The following KLF12 variants were observed in gnomAD, a reference collection of about 807,000 sequenced individuals.
KLF12 encodes the protein Krueppel-like factor 12.
In KLF12, 9 loss-of-function variants were observed where a neutral mutation model predicts 37.8. The ratio of observed to expected loss-of-function variants is 0.24; its 90% CI spans 0.14 to 0.42. The LOEUF (loss-of-function observed/expected upper bound fraction) is 0.42. Among genes scored for constraint, KLF12 ranks in the 10% least tolerant of loss-of-function variants. The pLI, the probability that KLF12 is intolerant of heterozygous loss-of-function variation, is 1.00. For synonymous variants in KLF12, 208 were observed against 202.1 expected, an observed-to-expected ratio of 1.03 and a Z score of -0.25; for missense variants, 411 against 516.0, an observed-to-expected ratio of 0.80 and a Z score of 1.97.
At chr13:74,045,713 C>T (rs1266121499) in intron 1 of KLF12, among the ~76,000 whole-genome samples, 4 of 152,006 alleles carry the variant, frequency 2.6e-5, no homozygotes, top group Admixed American at 6.6e-5. Context: ...ATGGGTTTCT[C>T]CAGGTAGTCC....
At chr13:74,267,316 A>G in the KLF12 span, among the ~76,000 whole-genome samples, 3 of 152,254 alleles carry the variant, frequency 2.0e-5, no homozygotes, top group African/African-American at 7.2e-5. Context: ...TATAAGAGAC[A>G]GAACAATAGC....
At chr13:73,979,399 A>AC (rs1566491623) in intron 2 of KLF12, among the ~76,000 whole-genome samples, 2 of 150,794 alleles carry the variant, frequency 1.3e-5, no homozygotes, top group South Asian at 2.1e-4. Context: ...ACACACACAC[A>AC]AATCATGGAA....
At chr13:73,966,233 T>C (rs986880026) in intron 2 of KLF12, among the ~76,000 whole-genome samples, 3 of 152,194 alleles carry the variant, frequency 2.0e-5, no homozygotes, top group African/African-American at 7.2e-5. Context: ...CATTCTTAAG[T>C]ATCAAAATCA....
At chr13:73,776,293 T>C (rs1292721243) in intron 5 of KLF12, among the ~76,000 whole-genome samples, 2 of 152,190 alleles carry the variant, frequency 1.3e-5, no homozygotes, top group African/African-American at 2.4e-5. Flanking sequence ...GTAGTAGCAG[T>C]TTCCTCACTG....
the KLF12 span, among the ~76,000 whole-genome samples, chr13:74,251,595 C>T: frequency 1.3e-5 from 2 of 152,170 alleles, no homozygotes; most frequent in Non-Finnish European, 2.9e-5. Context: ...TACTCTCCTC[C>T]AGTATTAACA....
chr13:74,114,966 T>C lies in KLF12; in HGVS notation c.-32+18773A>G, dbSNP rs534183250. On this transcript the variant is annotated intron_variant, in intron 1 of 7. Coordinates refer to ENST00000377669, the MANE Select transcript of KLF12 (RefSeq NM_007249.5). ...GAACTGTGCATGAGAAGGATCTAGG[T>C]TGCATGTTCCTTATGAGAATCTAAT... Among the ~76,000 whole-genome samples, 90 of 152,268 alleles carry C rather than the reference T, an allele frequency of 5.9e-4. 1 individual carries two copies. The South Asian group carries it at 0.017, about 28-fold the overall frequency.
intron 1 of KLF12, among the ~76,000 whole-genome samples, chr13:74,074,400 C>T (rs1472109123): frequency 6.6e-6 from 1 of 152,148 alleles, no homozygotes; most frequent in Non-Finnish European, 1.5e-5. Context: ...CAGAAGGTCT[C>T]CTGGGACAGC....
At chr13:73,999,665 G>A (rs547766308) in intron 1 of KLF12, among the ~76,000 whole-genome samples, 90 of 152,168 alleles carry the variant, frequency 5.9e-4, no homozygotes, top group African/African-American at 2.1e-3. Flanking sequence ...GTGTGAACCC[G>A]TGAGGCACAG....
chr13:74,229,367 G>A, the KLF12 span, among the ~76,000 whole-genome samples: 2 of 152,172 alleles, frequency 1.3e-5, no homozygotes, highest in Admixed American at 6.6e-5. Flanking sequence ...TTTGACTCCT[G>A]TATTTATTAT....
At chr13:73,751,778 A>T (rs1159624177) in intron 6 of KLF12, among the ~76,000 whole-genome samples, 1 of 152,138 alleles carries the variant, frequency 6.6e-6, no homozygotes, top group Non-Finnish European at 1.5e-5. Context: ...ATTAAGACGT[A>T]TTTATTCAGT....
intron 3 of KLF12, 152 bp downstream of exon 3, chr13:73,943,829 A>G: frequency 1.7e-6 from 1 of 595,140 alleles, no homozygotes; most frequent in Non-Finnish European, 2.9e-6. Flanking sequence ...GTACAGATCA[A>G]CCACAATCTC....
chr13:74,236,200 T>C, the KLF12 span, among the ~76,000 whole-genome samples: 1 of 139,468 alleles, frequency 7.2e-6, no homozygotes, highest in Non-Finnish European at 1.5e-5. Context: ...CGGTGTTTGG[T>C]TTTTTGTTCT....
At chr13:74,230,573 A>G in the KLF12 span, among the ~76,000 whole-genome samples, 1 of 152,110 alleles carries the variant, frequency 6.6e-6, no homozygotes, top group Non-Finnish European at 1.5e-5. Context: ...CAGTTCCACT[A>G]TGTTTACCTC....
the KLF12 span, among the ~76,000 whole-genome samples, chr13:74,217,781 A>T: frequency 2.0e-5 from 3 of 152,220 alleles, no homozygotes; most frequent in African/African-American, 7.2e-5. Context: ...TGCAAAAGAA[A>T]CATGGAGAAT....
intron 1 of KLF12, among the ~76,000 whole-genome samples, chr13:74,106,722 C>T (rs568868916): frequency 1.9e-4 from 29 of 152,264 alleles, no homozygotes; most frequent in South Asian, 1.9e-3. Context: ...GACACCTGCT[C>T]CAACACAACT....
chr13:74,296,810 G>C, the KLF12 span, among the ~76,000 whole-genome samples: 2 of 152,122 alleles, frequency 1.3e-5, no homozygotes, highest in East Asian at 1.9e-4. Context: ...CATGCAAATT[G>C]CTGTGTGTTA....
chr13:73,956,211 A>T (rs1001307341), intron 2 of KLF12, among the ~76,000 whole-genome samples: 9 of 152,216 alleles, frequency 5.9e-5, no homozygotes, highest in Admixed American at 4.6e-4. Flanking sequence ...GACCCATAAA[A>T]ATAGAAACAG....
At chr13:74,213,352 T>C in the KLF12 span, among the ~76,000 whole-genome samples, 15 of 152,200 alleles carry the variant, frequency 9.9e-5, no homozygotes, top group African/African-American at 1.7e-4. Context: ...TTTGTCATTT[T>C]AATAGCACAG....
intron 1 of KLF12, among the ~76,000 whole-genome samples, chr13:74,066,627 C>G (rs552762893): frequency 1.3e-5 from 2 of 152,140 alleles, no homozygotes; most frequent in Non-Finnish European, 2.9e-5. Flanking sequence ...CAATGAGGAA[C>G]TGCTTTTATG....
Sources: allele counts gnomAD v4.1 joint callset (sites outside exome capture counted in the v4.1 genomes callset), GRCh38; gene constraint gnomAD v4.1.1; transcripts MANE v1.5; gene names NCBI Gene and HGNC (gene_info 2026-07-23, HGNC 2026-07-21).